TJP1: variants seen among roughly 807,000 people sequenced by gnomAD.
The protein encoded by TJP1 is tight junction protein 1, also known as tight junction protein ZO-1.
In TJP1, 43 loss-of-function variants were observed where a neutral mutation model predicts 194.2. The observed-to-expected ratio is 0.22, with a 90% CI of 0.17 to 0.29. The LOEUF (loss-of-function observed/expected upper bound fraction) is 0.29. Among genes scored for constraint, TJP1 ranks in the 10% least tolerant of loss-of-function variants. TJP1 has a pLI of 1.00. For missense variants in TJP1, 1,971 were observed against 2,185.7 expected (o/e 0.90, Z 1.96); for synonymous variants, 801 against 779.0 (o/e 1.03, Z -0.47).
chr15:29,949,286 G>T (rs796094014), intron 2 of TJP1, among the ~76,000 whole-genome samples: 16 of 20,958 alleles, frequency 7.6e-4, no homozygotes, highest in East Asian at 2.3e-3. Flanking sequence ...CACCTCCACC[G>T]CCATCACCTC....
At position 29,854,122 on chromosome 15, in the gene TJP1, C is replaced by T. The variant is rs146689670; in HGVS notation, c.307-53420G>A. ...AATTACTTGGAAAATATACCTTTCA[C>T]CAAACTCTAAATCCATGTGCAAAAT... On this transcript the variant is annotated intron_variant, in intron 2 of 28. Coordinates refer to the TJP1 transcript ENST00000356107. Among the ~76,000 whole-genome samples the T allele has an allele frequency of 2.6e-5, 4 of 152,248 alleles. No individual in the cohort carries two copies. The East Asian group carries it at 5.8e-4, about 22-fold the overall frequency.
rs1223589901 is a variant in TJP1, at chr15:29,718,822, T to A, written c.3320A>T (p.Asp1107Val). ...KQPYPSRPPFDNQHSQDLDSR... is the reference protein window; with the variant it reads ...KQPYPSRPPFVNQHSQDLDSR... ...GTCAAGGTCTTGAGAGTGCTGATTATCAAAAGGTGGCCGAGATGGGTAGGG... is the reference window on the plus strand; with the variant it reads ...GTCAAGGTCTTGAGAGTGCTGATTAACAAAAGGTGGCCGAGATGGGTAGGG... The change falls in exon 21 of 28, where the codon GAT (aspartate) becomes GTT (valine). Residue 1107 changes from aspartate to valine, a missense_variant. Transcript: ENST00000614355. The A allele has an allele frequency of 1.9e-6, 3 of 1,614,202 alleles. No homozygotes were observed. The highest frequency in any genetic ancestry group is 1.1e-5 in the South Asian group (1 of 91,078).
intron 2 of TJP1, among the ~76,000 whole-genome samples, chr15:29,838,485 A>G (rs1596077426): frequency 1.3e-5 from 2 of 152,210 alleles, no homozygotes; most frequent in African/African-American, 4.8e-5. Flanking sequence ...AGCTACCCAC[A>G]CCCAGCCCCT....
At chr15:29,729,505 A>C (rs768599400) in intron 15 of TJP1, 5 of 152,168 alleles carry the variant, frequency 3.3e-5, no homozygotes, top group Admixed American at 6.5e-5. Flanking sequence ...CTTTAAATTA[A>C]CACTATGCAG....
chr15:29,876,059 T>A (rs1043397541), intron 2 of TJP1, among the ~76,000 whole-genome samples: 1 of 152,180 alleles, frequency 6.6e-6, no homozygotes, highest in Non-Finnish European at 1.5e-5. Flanking sequence ...AAAGCCACAT[T>A]TCAAATAACC....
chr15:29,791,433 T>C (rs1422070107), intron 2 of TJP1, among the ~76,000 whole-genome samples: 2 of 143,826 alleles, frequency 1.4e-5, no homozygotes, highest in African/African-American at 5.2e-5. Context: ...TTTTTTTTTT[T>C]TTTTTGAGAC....
intron 2 of TJP1, among the ~76,000 whole-genome samples, chr15:29,915,791 GTA>G (rs2054165075): frequency 1.4e-5 from 1 of 71,170 alleles, no homozygotes; most frequent in Non-Finnish European, 4.2e-5. Flanking sequence ...TGAATGCAAA[GTA>G]TGTAGCTACT....
chr15:29,744,293 T>C (rs544088303), intron 8 of TJP1, among the ~76,000 whole-genome samples: 1 of 152,202 alleles, frequency 6.6e-6, no homozygotes, highest in Non-Finnish European at 1.5e-5. Flanking sequence ...TGTATGACTA[T>C]TTGAAGGCAA....
At chr15:29,921,776 C>T (rs910465185) in intron 2 of TJP1, among the ~76,000 whole-genome samples, 1 of 152,040 alleles carries the variant, frequency 6.6e-6, no homozygotes, top group Non-Finnish European at 1.5e-5. Context: ...CCCACATATA[C>T]CCATTCTCAA....
intron 1 of TJP1, among the ~76,000 whole-genome samples, chr15:29,966,035 T>TA (rs1190092998): frequency 6.6e-6 from 1 of 152,216 alleles, no homozygotes; most frequent in African/African-American, 2.4e-5. Context: ...ATATAAAAGT[T>TA]ACCTGGATTT....
intron 2 of TJP1, among the ~76,000 whole-genome samples, chr15:29,935,501 C>T (rs1280844067): frequency 6.6e-6 from 1 of 152,140 alleles, no homozygotes. Context: ...TTGCTGAAGA[C>T]TCTCATGCCT....
At chr15:29,889,946 C>CCA (rs1014103631) in intron 2 of TJP1, among the ~76,000 whole-genome samples, 3 of 152,212 alleles carry the variant, frequency 2.0e-5, no homozygotes, top group African/African-American at 4.8e-5. Context: ...TTCCCACATA[C>CCA]CACATAGCAA....
chr15:29,782,366 G>GT (rs2047419110), intron 2 of TJP1, among the ~76,000 whole-genome samples: 2 of 152,164 alleles, frequency 1.3e-5, no homozygotes, highest in South Asian at 2.1e-4. Flanking sequence ...CCAACGGAAC[G>GT]TAACAGGGAG....
chr15:29,937,550 CT>C (rs758189031), intron 2 of TJP1, among the ~76,000 whole-genome samples: 15 of 152,198 alleles, frequency 9.9e-5, no homozygotes, highest in Non-Finnish European at 2.1e-4. Context: ...ACACAGAATA[CT>C]TAACAGCTTT....
chr15:29,862,647 C>CTT (rs11305773), intron 2 of TJP1, among the ~76,000 whole-genome samples: 6 of 101,302 alleles, frequency 5.9e-5, no homozygotes, highest in Admixed American at 2.1e-4. Flanking sequence ...TTTTTCTTTT[C>CTT]TTTTTTTTTT....
rs2041459373 is a variant in TJP1, at chr15:29,700,259, T to C, written c.*1336A>G. 2.5e-6 allele frequency: 1 copy of C among 398,882 alleles called. No individual in the cohort carries two copies. Among genetic ancestry groups the C allele is most frequent in the Non-Finnish European group, 4.4e-6 (1 of 226,052 alleles). The allele number at this position is 398,882 out of a possible 1,614,324, so 24.7% of individuals were successfully genotyped here. ...ATTAACAGAATGTAGTGGTGTATTA[T>C]CTAAACAGAAATCGTGCTGATGTGC... On this transcript the variant is annotated 3_prime_UTR_variant, in exon 28 of 28. Coordinates refer to ENST00000614355, the MANE Select transcript of TJP1 (RefSeq NM_001330239.4).
intron 27 of TJP1, 87 bp from the exon 28 acceptor site, chr15:29,701,776 T>G (rs1390275898): frequency 1.2e-5 from 11 of 914,976 alleles, no homozygotes; most frequent in Non-Finnish European, 1.5e-5. Flanking sequence ...ATACGTATAT[T>G]TAGACATAAT....
chr15:29,945,291 C>T (rs997600338), intron 2 of TJP1, among the ~76,000 whole-genome samples: 1 of 152,208 alleles, frequency 6.6e-6, no homozygotes, highest in Admixed American at 6.5e-5. Context: ...ATTATGTTAG[C>T]TAGGAGAATC....
chr15:29,800,392 C>T, intron 2 of TJP1: 1 of 494,236 alleles, frequency 2.0e-6, no homozygotes. Flanking sequence ...TATCTGATCA[C>T]TCAAAATTTT....
Sources: allele counts gnomAD v4.1 joint callset (sites outside exome capture counted in the v4.1 genomes callset), GRCh38; gene constraint gnomAD v4.1.1; transcripts MANE v1.5; gene names NCBI Gene and HGNC (gene_info 2026-07-23, HGNC 2026-07-21).